RNF34: variants seen among roughly 807,000 people sequenced by gnomAD.
The protein encoded by RNF34 is ring finger protein 34, also known as E3 ubiquitin-protein ligase RNF34.
RNF34 carries 12 observed loss-of-function variants against 37.9 expected under a neutral mutation model. The ratio of observed to expected loss-of-function variants is 0.32; its 90% CI spans 0.20 to 0.51. RNF34 has a LOEUF of 0.51. RNF34 is among the 20% of genes least tolerant of loss of function. RNF34 has a pLI of 0.97. For synonymous variants in RNF34, 155 were observed against 177.2 expected, an observed-to-expected ratio of 0.87 and a Z score of 1.00; for missense variants, 362 against 472.7, an observed-to-expected ratio of 0.77 and a Z score of 2.17.
intron 1 of RNF34, among the ~76,000 whole-genome samples, chr12:121,408,895 A>G (rs987499225): frequency 1.3e-5 from 2 of 152,240 alleles, no homozygotes; most frequent in African/African-American, 4.8e-5. Context: ...ACCAAAGTCC[A>G]GCAAAAGTTA....
intron 1 of RNF34, 151 bp downstream of exon 1, chr12:121,400,369 C>A: frequency 2.1e-6 from 2 of 956,752 alleles, no homozygotes; most frequent in Non-Finnish European, 3.0e-6. Flanking sequence ...GCTTCAGGTG[C>A]CCCAACCGAG....
intron 5 of RNF34, 109 bp downstream of exon 5, chr12:121,420,887 C>A: frequency 1.3e-6 from 1 of 787,534 alleles, no homozygotes; most frequent in Non-Finnish European, 2.1e-6. Flanking sequence ...AAGCTGTGTA[C>A]CATTTTACTG....
chr12:121,406,928 A>G (rs1449062856), intron 1 of RNF34, among the ~76,000 whole-genome samples: 5 of 152,168 alleles, frequency 3.3e-5, no homozygotes, highest in Admixed American at 2.0e-4. Context: ...TATAATTTCA[A>G]CTTTTAGATT....
intron 1 of RNF34, among the ~76,000 whole-genome samples, chr12:121,413,570 C>G (rs1456430709): frequency 6.7e-6 from 1 of 149,326 alleles, no homozygotes; most frequent in Non-Finnish European, 1.5e-5. Context: ...TGCCACCATG[C>G]CCAGCTTTTT....
intron 3 of RNF34, 192 bp from the exon 4 acceptor site, chr12:121,420,050 C>G: frequency 2.0e-6 from 1 of 510,516 alleles, no homozygotes; most frequent in Non-Finnish European, 3.6e-6. Context: ...TTTGAGCTAA[C>G]TTTATGGAAG....
chr12:121,407,272 A>G (rs1361559131), intron 1 of RNF34, among the ~76,000 whole-genome samples: 4 of 152,196 alleles, frequency 2.6e-5, no homozygotes, highest in Non-Finnish European at 4.4e-5. Flanking sequence ...TTTGGGCTTT[A>G]TTCACGGAGG....
chr12:121,406,860 A>G (rs1284622398), intron 1 of RNF34, among the ~76,000 whole-genome samples: 13 of 152,154 alleles, frequency 8.5e-5, no homozygotes, highest in African/African-American at 2.9e-4. Context: ...TTTAAACTAC[A>G]TTCATGGTCA....
chr12:121,421,980 A>C (rs1055520059), intron 5 of RNF34, among the ~76,000 whole-genome samples: 3 of 152,344 alleles, frequency 2.0e-5, no homozygotes, highest in Admixed American at 2.0e-4. Context: ...ATGATGTCAC[A>C]GTGGTAGATG....
Position 121,416,176 on chromosome 12 carries a change from G to A in RNF34, c.24G>A (p.Met8Ile), listed in dbSNP as rs1289247362. Residue 8 changes from methionine (M) to isoleucine (I), a missense_variant, in exon 2 of 6, where the codon ATG becomes ATA. By Grantham distance (10) the Met-to-Ile change is conservative (BLOSUM62 1). Coordinates refer to ENST00000361234, the MANE Select transcript of RNF34 (RefSeq NM_025126.4). ...CTTTTTAGGCGGGTGCCACGTCTAT[G>A]TGGGCTTCGTGCTGTGGGCTGCTGA... MKAGATS[M>I]WASCCGLLNE... 6.2e-7 allele frequency: 1 copy of A among 1,613,986 alleles called. No individual in the cohort carries two copies. The highest frequency in any genetic ancestry group is 1.3e-5 in the African/African-American group (1 of 74,910).
chr12:121,421,371 T>TAAAAAAAAAAAA, intron 5 of RNF34, among the ~76,000 whole-genome samples: 1 of 46,370 alleles, frequency 2.2e-5, no homozygotes, highest in Non-Finnish European at 4.4e-5. Context: ...ATCCCATCTC[T>TAAAAAAAAAAAA]AAAAAAAAAA....
Position 121,400,155 on chromosome 12 carries a change from G to C in RNF34, c.-58G>C, listed in dbSNP as rs1869832241. ...GAGGGAAGGAGGTCGGCAGTGTGAG[G>C]AGCTGCTATGGTGCTGAGTTTCCTG... is the stretch of plus-strand genomic sequence containing the variant. On this transcript the variant is annotated 5_prime_UTR_variant, in exon 1 of 6. Transcript: ENST00000361234. 1.3e-6 allele frequency: 2 copies of C among 1,592,838 alleles called. No individual in the cohort carries two copies. The highest frequency in any genetic ancestry group is 3.4e-5 in the Admixed American group (2 of 57,972).
chr12:121,407,974 A>T (rs1202264363), intron 1 of RNF34, among the ~76,000 whole-genome samples: 1 of 151,978 alleles, frequency 6.6e-6, no homozygotes, highest in East Asian at 1.9e-4. Context: ...TCTTTTAAAT[A>T]GTTCTCCAAT....
intron 1 of RNF34, among the ~76,000 whole-genome samples, chr12:121,410,547 A>C (rs1470413401): frequency 1.3e-4 from 4 of 31,360 alleles, no homozygotes; most frequent in Non-Finnish European, 2.4e-4. Context: ...AAAACCACCA[A>C]AAAAAAAAAA....
intron 5 of RNF34, among the ~76,000 whole-genome samples, chr12:121,421,456 G>C (rs562356831): frequency 6.6e-6 from 1 of 151,590 alleles, no homozygotes; most frequent in East Asian, 1.9e-4. Flanking sequence ...GGGAGGCTGA[G>C]GGGGGAGGAT....
At chr12:121,420,465 A>C (rs1267631636) in intron 4 of RNF34, 112 bp from the exon 5 acceptor site, 4 of 1,557,570 alleles carry the variant, frequency 2.6e-6, no homozygotes, top group Non-Finnish European at 2.6e-6. Context: ...ATACTGAAAC[A>C]CTTCTAGGAC....
intron 1 of RNF34, among the ~76,000 whole-genome samples, chr12:121,403,897 CAT>C (rs1439109278): frequency 1.1e-4 from 17 of 150,734 alleles, no homozygotes; most frequent in African/African-American, 4.1e-4. Flanking sequence ...TGTGTAGTAA[CAT>C]ATTAGAGTTT....
intron 3 of RNF34, 56 bp from the exon 4 acceptor site, chr12:121,420,186 C>T (rs1555282988): frequency 1.6e-5 from 25 of 1,537,294 alleles, no homozygotes; most frequent in Non-Finnish European, 2.2e-5. Context: ...AAGGTTTTCT[C>T]TAGTGATAAA....
chr12:121,411,712 T>C (rs1566228648), intron 1 of RNF34, among the ~76,000 whole-genome samples: 1 of 152,212 alleles, frequency 6.6e-6, no homozygotes, highest in African/African-American at 2.4e-5. Flanking sequence ...TTGTCAGTCA[T>C]ACCATGGTGG....
intron 5 of RNF34, among the ~76,000 whole-genome samples, chr12:121,421,457 G>T (rs185216751): frequency 9.9e-5 from 15 of 151,660 alleles, no homozygotes; most frequent in African/African-American, 3.6e-4. Context: ...GGAGGCTGAG[G>T]GGGGAGGATT....
Sources: allele counts gnomAD v4.1 joint callset (sites outside exome capture counted in the v4.1 genomes callset), GRCh38; gene constraint gnomAD v4.1.1; transcripts MANE v1.5; gene names NCBI Gene and HGNC (gene_info 2026-07-23, HGNC 2026-07-21).